THEM4: variants seen among roughly 807,000 people sequenced by gnomAD.
THEM4 encodes the protein thioesterase superfamily member 4.
THEM4 carries 22 observed loss-of-function variants against 25.0 expected under a neutral mutation model. That is an observed-to-expected ratio of 0.88 (90% confidence interval 0.63 to 1.26). THEM4 has a LOEUF of 1.26. THEM4 is among the 50% of genes most tolerant of loss of function. THEM4 has a pLI of 0.00. For missense variants in THEM4, 286 were observed against 300.3 expected (o/e 0.95, Z 0.35); for synonymous variants, 113 against 105.6 (o/e 1.07, Z -0.43).
At chr1:151,884,654 T>G (rs1243791795) in intron 4 of THEM4, among the ~76,000 whole-genome samples, 2 of 151,518 alleles carry the variant, frequency 1.3e-5, no homozygotes, top group African/African-American at 4.8e-5. Flanking sequence ...TTTTTTTGTT[T>G]TTAAACAATT....
At chr1:151,899,676 A>C (rs1284471786) in intron 1 of THEM4, among the ~76,000 whole-genome samples, 1 of 152,186 alleles carries the variant, frequency 6.6e-6, no homozygotes, top group Non-Finnish European at 1.5e-5. Flanking sequence ...ACCAAACCTA[A>C]GAATAATTGG....
intron 2 of THEM4, 72 bp downstream of exon 2, chr1:151,894,936 C>T: frequency 6.8e-7 from 1 of 1,471,878 alleles, no homozygotes; most frequent in Non-Finnish European, 9.5e-7. Flanking sequence ...CAGGTAGTAA[C>T]TAGTACTTCA....
chr1:151,909,432 G>A lies in THEM4; in HGVS notation c.27C>T (p.Leu9=). 1 of 1,466,990 alleles carries A rather than the reference G, an allele frequency of 6.8e-7. No individual in the cohort carries two copies. The highest frequency in any genetic ancestry group is 2.8e-5 in the East Asian group (1 of 35,088). 90.9% of individuals were successfully genotyped at this position (1,466,990 alleles called of 1,614,324 possible). A position where few individuals can be genotyped will look rare whatever the true frequency, so the allele number is the denominator to read the frequency against. The change falls in exon 1 of 6, where the codon CTC becomes CTT. Residue 9 remains leucine (L), a synonymous_variant. Transcript: ENST00000368814. ...GCAGGCACAGAGCCCCCAGCGTGCGGAGGCGCGCGGCGCAGCTCCTCAGCA... is the reference window on the plus strand; with the variant it reads ...GCAGGCACAGAGCCCCCAGCGTGCGAAGGCGCGCGGCGCAGCTCCTCAGCA... MLRSCAAR[L]RTLGALCLPP...
rs1370240169 is a variant in THEM4 at position 151,874,363 on chromosome 1, A to AG, written c.*524dup. On this transcript the variant is annotated 3_prime_UTR_variant, in exon 6 of 6. Transcript: ENST00000368814. ...AGGTAACATATCCTAAGGAGACAAG[A>AG]GTTTTTTTTTTTTGTTTGTTTGTTT... is the stretch of plus-strand genomic sequence containing the variant. 1 of 33,374 alleles carries AG rather than the reference A, an allele frequency of 3.0e-5. No homozygotes were observed. The highest frequency in any genetic ancestry group is 3.5e-4 in the Admixed American group (1 of 2,822). 2.1% of individuals were successfully genotyped at this position (33,374 alleles called of 1,614,324 possible).
intron 2 of THEM4, 24 bp downstream of exon 2, chr1:151,894,984 T>G: frequency 6.2e-7 from 1 of 1,610,876 alleles, no homozygotes; most frequent in Non-Finnish European, 8.5e-7. Context: ...TCAGATATAT[T>G]AATGGGAAAG....
At chr1:151,905,475 G>A (rs1196169713) in intron 1 of THEM4, among the ~76,000 whole-genome samples, 1 of 152,028 alleles carries the variant, frequency 6.6e-6, no homozygotes, top group Non-Finnish European at 1.5e-5. Context: ...GGGGCCTGAG[G>A]AAGTGAGGCA....
In THEM4 at chr1:151,909,433, A is replaced by G. The variant is rs900094834; in HGVS notation, c.26T>C (p.Leu9Pro). The G allele has an allele frequency of 2.3e-5, 33 of 1,466,424 alleles. No individual in the cohort carries two copies. In the African/African-American group the frequency reaches 4.6e-4, roughly 20 times the overall value. 90.8% of individuals were successfully genotyped at this position (1,466,424 alleles called of 1,614,324 possible). Residue 9 changes from leucine to proline, a missense_variant, in exon 1 of 6, where the codon CTC becomes CCC. By Grantham distance (98) the Leu-to-Pro change is moderately conservative (BLOSUM62 -3). Transcript: ENST00000368814. MLRSCAAR[L>P]RTLGALCLPP... ...CAGGCACAGAGCCCCCAGCGTGCGG[A>G]GGCGCGCGGCGCAGCTCCTCAGCAT... is the stretch of plus-strand genomic sequence containing the variant.
In THEM4 at chr1:151,874,675, C is replaced by G. The variant is rs969978069; in HGVS notation, c.*213G>C. ...TAGGTGTGAGCCACAGCGCCTGGCC[C>G]GAGAGTTGTCGATATGCTCGCAGGA... On this transcript the variant is annotated 3_prime_UTR_variant, in exon 6 of 6. Coordinates refer to ENST00000368814, the MANE Select transcript of THEM4 (RefSeq NM_053055.5). 1.8e-5 allele frequency: 11 copies of G among 617,638 alleles called. No individual in the cohort carries two copies. The highest frequency in any genetic ancestry group is 2.6e-5 in the Non-Finnish European group (9 of 347,126). The allele number at this position is 617,638 out of a possible 1,614,324, so 38.3% of individuals were successfully genotyped here.
At chr1:151,887,443 T>C (rs886993157) in intron 4 of THEM4, among the ~76,000 whole-genome samples, 1 of 150,178 alleles carries the variant, frequency 6.7e-6, no homozygotes, top group Non-Finnish European at 1.5e-5. Context: ...ATAATAATAA[T>C]AATAATAAAA....
chr1:151,889,147 C>G, intron 3 of THEM4, 67 bp downstream of exon 3: 2 of 1,336,238 alleles, frequency 1.5e-6, no homozygotes, highest in Non-Finnish European at 2.1e-6. Flanking sequence ...AGTCCATGTA[C>G]AGGACACATG....
intron 3 of THEM4, 43 bp from the exon 4 acceptor site, chr1:151,888,426 T>C: frequency 2.0e-6 from 3 of 1,478,804 alleles, no homozygotes; most frequent in Non-Finnish European, 2.8e-6. Context: ...TCAGAAGTTC[T>C]GAAGATAGAG....
intron 4 of THEM4, among the ~76,000 whole-genome samples, chr1:151,885,921 G>C (rs1653957758): frequency 6.6e-6 from 1 of 152,102 alleles, no homozygotes; most frequent in African/African-American, 2.4e-5. Flanking sequence ...TATAATCCCA[G>C]GTTGTTACCT....
rs534869688 is a variant in THEM4, at chr1:151,880,281, G to C, written c.558-3156C>G. On this transcript the variant is annotated intron_variant, in intron 4 of 5. Coordinates refer to ENST00000368814, the MANE Select transcript of THEM4 (RefSeq NM_053055.5). ...TCACGAGGTCAGGAATTCGAGAGCA[G>C]CCTGGTCAGCATGGTGAAACCCTGT... is the stretch of plus-strand genomic sequence containing the variant. Among the ~76,000 whole-genome samples, 25 of 152,038 alleles carry C rather than the reference G, an allele frequency of 1.6e-4. 1 individual carries two copies. The highest frequency in any genetic ancestry group is 5.8e-4 in the African/African-American group (24 of 41,490).
At chr1:151,899,447 T>G (rs2101729394) in intron 1 of THEM4, among the ~76,000 whole-genome samples, 1 of 143,002 alleles carries the variant, frequency 7.0e-6, no homozygotes, top group East Asian at 2.0e-4. Flanking sequence ...GCCAAGATTG[T>G]GCCACTGCAC....
chr1:151,897,788 A>G (rs1344116562), intron 1 of THEM4, among the ~76,000 whole-genome samples: 1 of 152,220 alleles, frequency 6.6e-6, no homozygotes, highest in Non-Finnish European at 1.5e-5. Flanking sequence ...GGAATTGGGA[A>G]AGAAAGACCC....
rs1310265837 is a variant in THEM4, at chr1:151,909,385, G to A, written c.74C>T (p.Pro25Leu). 1.0e-4 allele frequency: 155 copies of A among 1,505,750 alleles called. No individual in the cohort carries two copies. Among genetic ancestry groups the A allele is most frequent in the Non-Finnish European group, 1.3e-4 (147 of 1,133,662 alleles). 93.3% of individuals were successfully genotyped at this position (1,505,750 alleles called of 1,614,324 possible). The change falls in exon 1 of 6, where the codon CCG becomes CTG. Residue 25 changes from proline to leucine, a missense_variant. Pro to Leu is a moderately conservative substitution (Grantham distance 98). Coordinates refer to ENST00000368814, the MANE Select transcript of THEM4 (RefSeq NM_053055.5). ...LCLPPVGRRL[P>L]GSEPRPELRS... is the part of the protein sequence containing the mutation. The stretch of plus-strand genomic sequence containing the variant: ...CAGCTCGGGTCGCGGCTCGCTTCCC[G>A]GCAGGCGCCGGCCTACTGGCGGCAG...
chr1:151,890,973 T>C (rs375519721), intron 2 of THEM4: 24 of 152,314 alleles, frequency 1.6e-4, no homozygotes, highest in Admixed American at 2.0e-4. Context: ...CTGGTCTAGA[T>C]TGGCAAACCT....
At chr1:151,895,428 G>A (rs191185062) in intron 1 of THEM4, among the ~76,000 whole-genome samples, 2 of 152,228 alleles carry the variant, frequency 1.3e-5, no homozygotes, top group East Asian at 3.9e-4. Flanking sequence ...ACAGAGCCAG[G>A]ATTATGCTCA....
chr1:151,895,016 T>C lies in THEM4; in HGVS notation c.278A>G (p.His93Arg), dbSNP rs1654187536. Residue 93 changes from histidine (H) to arginine (R), a missense_variant, in exon 2 of 6, where the codon CAT (histidine) becomes CGT (arginine). By Grantham distance (29) the His-to-Arg change is conservative. Transcript: ENST00000368814. ...PTEWIQDFKT[H>R]FLDPKLMKEE... is the part of the protein sequence containing the mutation. ...AAAGTGGCTGTTTCTACCAAGAAAA[T>C]GGGTTTTGAAGTCTTGAATCCATTC... The C allele has an allele frequency of 6.2e-7, 1 of 1,613,944 alleles. No homozygotes were observed. The highest frequency in any genetic ancestry group is 8.5e-7 in the Non-Finnish European group (1 of 1,180,008).
Sources: gnomAD v4.1 joint callset for allele counts (sites outside exome capture counted in the v4.1 genomes callset) on GRCh38, gnomAD v4.1.1 for gene constraint, MANE v1.5 for transcripts, NCBI Gene and HGNC (gene_info 2026-07-23, HGNC 2026-07-21) for gene names.